SLC28A1: variants seen among roughly 807,000 people sequenced by gnomAD.
The protein encoded by SLC28A1 is solute carrier family 28 member 1.
In SLC28A1, 64 loss-of-function variants were observed where a neutral mutation model predicts 74.8. That is an observed-to-expected ratio of 0.86 (90% CI 0.70 to 1.05). SLC28A1 has a LOEUF of 1.05. Ranked by LOEUF, SLC28A1 falls within the 50% of genes least tolerant of loss-of-function variation. The pLI is 0.00. For missense variants in SLC28A1, 828 were observed against 822.8 expected (o/e 1.01, Z -0.08); for synonymous variants, 359 against 335.0 (o/e 1.07, Z -0.78).
intron 15 of SLC28A1, among the ~76,000 whole-genome samples, chr15:84,942,527 G>C (rs1187051429): frequency 6.6e-6 from 1 of 152,150 alleles, no homozygotes; most frequent in African/African-American, 2.4e-5. Flanking sequence ...CTGTCTGCCT[G>C]GTGTTTCCCA....
chr15:84,931,799 C>A (rs752676383), intron 12 of SLC28A1, among the ~76,000 whole-genome samples: 1 of 151,408 alleles, frequency 6.6e-6, no homozygotes, highest in Non-Finnish European at 1.5e-5. Context: ...GTCAGGAGTT[C>A]GAGACTAGCC....
At chr15:84,970,479 G>T in the SLC28A1 span, among the ~76,000 whole-genome samples, 2 of 152,176 alleles carry the variant, frequency 1.3e-5, no homozygotes, top group Non-Finnish European at 2.9e-5. Context: ...AGTAGGTGAG[G>T]GGGGAATAGA....
intron 1 of SLC28A1, among the ~76,000 whole-genome samples, chr15:84,885,292 G>C (rs760336663): frequency 6.6e-6 from 1 of 151,206 alleles, no homozygotes; most frequent in Non-Finnish European, 1.5e-5. Context: ...GTCTTGCTCT[G>C]TGGCTAGTTT....
intron 7 of SLC28A1, among the ~76,000 whole-genome samples, chr15:84,904,516 T>G (rs1966863019): frequency 6.6e-6 from 1 of 152,226 alleles, no homozygotes; most frequent in South Asian, 2.1e-4. Flanking sequence ...TCTTCAGGTC[T>G]GTAGGCTCAG....
downstream of SLC28A1, among the ~76,000 whole-genome samples, chr15:84,949,568 T>A (rs1391328696): frequency 7.1e-6 from 1 of 141,466 alleles, no homozygotes; most frequent in East Asian, 2.0e-4. Context: ...CCGGCTAATT[T>A]TTTTTTTTTT....
the SLC28A1 span, among the ~76,000 whole-genome samples, chr15:84,959,849 A>G: frequency 6.6e-6 from 1 of 152,082 alleles, no homozygotes; most frequent in Non-Finnish European, 1.5e-5. Context: ...CTGTCCTCAA[A>G]TCTATGGTGA....
Position 84,894,992 on chromosome 15 carries a change from G to A in SLC28A1, c.330G>A (p.Leu110=), listed in dbSNP as rs149052984. ...GCCTCCTGGATTTCCAGAGGGCCCT[G>A]GCTCTGTTTGTCCTCACCTGTGTGG... is the stretch of plus-strand genomic sequence containing the variant. ...VACLLDFQRA[L]ALFVLTCVVL... is the part of the protein sequence containing the mutation. The change falls in exon 6 of 19, where the codon CTG becomes CTA. Residue 110 remains leucine (L), a synonymous_variant. Transcript: ENST00000394573. The A allele has an allele frequency of 1.9e-6, 3 of 1,614,072 alleles. No homozygotes were observed. The African/African-American group carries it at 4.0e-5, about 22-fold the overall frequency.
chr15:84,924,132 C>T (rs1970198812), intron 12 of SLC28A1, 22 bp downstream of exon 12: 1 of 1,608,748 alleles, frequency 6.2e-7, no homozygotes, highest in Admixed American at 1.7e-5. Flanking sequence ...CCTCCTTCTG[C>T]TTGGCTATGT....
At chr15:84,918,425 C>G in intron 9 of SLC28A1, 99 bp from the exon 10 acceptor site, 2 of 858,384 alleles carry the variant, frequency 2.3e-6, no homozygotes, top group South Asian at 1.3e-5. Flanking sequence ...GTGGCAAGGC[C>G]TGGGATGGAG....
rs1387652297 is a variant in SLC28A1, at chr15:84,904,122, G to A, written c.487G>A (p.Gly163Ser). The A allele has an allele frequency of 6.2e-7, 1 of 1,614,158 alleles. No individual in the cohort carries two copies. The highest frequency in any genetic ancestry group is 8.5e-7 in the Non-Finnish European group (1 of 1,180,024). ...GGGTCTAGCTCTTGCTGCTTTCCTGGGCCTGGTCCTGTGGCTGTCTCTGGA... is the reference window on the plus strand; with the variant it reads ...GGGTCTAGCTCTTGCTGCTTTCCTGAGCCTGGTCCTGTGGCTGTCTCTGGA... ...KRGLALAAFLGLVLWLSLDTS... is the reference protein window; with the variant it reads ...KRGLALAAFLSLVLWLSLDTS... Residue 163 changes from glycine (G) to serine (S), a missense_variant, in exon 7 of 19, where the codon GGC (glycine) becomes AGC (serine). By Grantham distance (56) the Gly-to-Ser change is moderately conservative (BLOSUM62 0). This residue lies in a region of SLC28A1 where 767 missense variants were observed against 753.5 expected (regional missense o/e 1.02). Coordinates refer to ENST00000394573, the MANE Select transcript of SLC28A1 (RefSeq NM_004213.5).
intron 12 of SLC28A1, among the ~76,000 whole-genome samples, chr15:84,925,290 A>ATTGT (rs1323677381): frequency 6.6e-6 from 1 of 151,782 alleles, no homozygotes; most frequent in Non-Finnish European, 1.5e-5. Context: ...TGTCAGCATC[A>ATTGT]CCTGCGAACT....
rs964017770 is a variant in SLC28A1 at position 84,925,067 on chromosome 15, G to GTTTTTTTTTTTTTT, written c.1083+969_1083+982dup. On this transcript the variant is annotated intron_variant, in intron 12 of 18. Transcript: ENST00000394573. ...AGGCACGCCCCACCGCGCCCAGCTA[G>GTTTTTTTTTTTTTT]TTTTTTTTTTTTTTTTTTTTTTTTT... 2.9e-3 allele frequency among the ~76,000 whole-genome samples: 240 copies of GTTTTTTTTTTTTTT among 84,146 alleles called. 2 individuals are homozygous for GTTTTTTTTTTTTTT. Among genetic ancestry groups the GTTTTTTTTTTTTTT allele is most frequent in the East Asian group, 3.9e-3 (10 of 2,590 alleles). 55.2% of individuals were successfully genotyped at this position (84,146 alleles called of 152,430 possible). A position where few individuals can be genotyped will look rare whatever the true frequency, so the allele number is the denominator to read the frequency against.
chr15:84,942,642 A>G (rs2142053077), intron 15 of SLC28A1, among the ~76,000 whole-genome samples: 1 of 152,320 alleles, frequency 6.6e-6, no homozygotes, highest in South Asian at 2.1e-4. Flanking sequence ...TCTCAAGCTG[A>G]TCATTGGTGA....
chr15:84,943,574 G>T, intron 16 of SLC28A1, 48 bp downstream of exon 16: 2 of 1,433,480 alleles, frequency 1.4e-6, no homozygotes, highest in South Asian at 1.1e-5. Context: ...TCTGGGACTT[G>T]AACTTGCTCG....
chr15:84,909,927 G>A (rs1026907771), intron 9 of SLC28A1, among the ~76,000 whole-genome samples: 1 of 152,246 alleles, frequency 6.6e-6, no homozygotes, highest in Non-Finnish European at 1.5e-5. Context: ...CCTGCTGGGG[G>A]TCTTGGACCC....
At chr15:84,907,462 GGCATAA>G (rs1967412797) in intron 8 of SLC28A1, among the ~76,000 whole-genome samples, 1 of 152,134 alleles carries the variant, frequency 6.6e-6, no homozygotes. Flanking sequence ...TGGGATTATA[GGCATAA>G]GCCACCATGC....
intron 9 of SLC28A1, among the ~76,000 whole-genome samples, chr15:84,912,940 G>C (rs1968564070): frequency 6.6e-6 from 1 of 152,086 alleles, no homozygotes; most frequent in Non-Finnish European, 1.5e-5. Flanking sequence ...AAGGGAATGG[G>C]AAGTAAATGA....
chr15:84,884,829 TG>T, intron 1 of SLC28A1, 78 bp downstream of exon 1: 1 of 750,912 alleles, frequency 1.3e-6, no homozygotes, highest in Non-Finnish European at 1.6e-6. Flanking sequence ...CAGGGCAAAG[TG>T]GAAAAGCAGG....
rs201699816 is a variant in SLC28A1, at chr15:84,935,214, A to G, written c.1383+20A>G. 9 of 1,613,536 alleles carry G rather than the reference A, an allele frequency of 5.6e-6. No homozygotes were observed. The African/African-American group carries it at 1.2e-4, about 22-fold the overall frequency. ...TTCCAGGTGCGTTTCTGGCCACCACACTCAGTCTGTAGAGAGGATGGCCCC... is the reference window on the plus strand; with the variant it reads ...TTCCAGGTGCGTTTCTGGCCACCACGCTCAGTCTGTAGAGAGGATGGCCCC... On this transcript the variant is annotated intron_variant, in intron 14 of 18. Transcript: ENST00000394573.
Sources: allele counts gnomAD v4.1 joint callset (sites outside exome capture counted in the v4.1 genomes callset), GRCh38; gene constraint gnomAD v4.1.1; regional missense constraint gnomAD v4.1.1; transcripts MANE v1.5; gene names NCBI Gene and HGNC (gene_info 2026-07-23, HGNC 2026-07-21).